Variants in CTNNA3 observed in about 807,000 individuals in gnomAD.
CTNNA3 encodes catenin alpha-3.
CTNNA3 carries 76 observed loss-of-function variants against 95.7 expected under a neutral mutation model. That is an observed-to-expected ratio of 0.79 (90% CI 0.66 to 0.96). The LOEUF (loss-of-function observed/expected upper bound fraction) is 0.96, where lower values mean the gene tolerates loss of function less well. Among genes scored for constraint, CTNNA3 ranks in the 40% least tolerant of loss-of-function variants. The pLI is 0.00. For missense variants in CTNNA3, 1,191 were observed against 1,089.8 expected (o/e 1.09, Z -1.31); for synonymous variants, 431 against 374.4 (o/e 1.15, Z -1.74).
chr10:66,659,157 A>T (rs993415321), intron 9 of CTNNA3, among the ~76,000 whole-genome samples: 1 of 150,754 alleles, frequency 6.6e-6, no homozygotes. Flanking sequence ...CGTTTTAGTT[A>T]GGGAGACAAA....
At chr10:66,148,655 T>C (rs1200934900) in intron 13 of CTNNA3, among the ~76,000 whole-genome samples, 2 of 152,052 alleles carry the variant, frequency 1.3e-5, no homozygotes, top group Non-Finnish European at 2.9e-5. Context: ...AGAGCCCTCA[T>C]TTGACACCAG....
intron 17 of CTNNA3, among the ~76,000 whole-genome samples, chr10:65,928,209 T>C (rs1010230123): frequency 2.6e-5 from 4 of 152,190 alleles, no homozygotes; most frequent in African/African-American, 9.6e-5. Flanking sequence ...ATTTTTTTCA[T>C]ATACAGATAT....
At chr10:66,937,598 C>T (rs898242797) in intron 7 of CTNNA3, among the ~76,000 whole-genome samples, 13 of 152,082 alleles carry the variant, frequency 8.5e-5, no homozygotes, top group Admixed American at 6.6e-4. Context: ...CATCTGGGCA[C>T]GTAGTTAATA....
At chr10:65,991,060 C>A (rs1365529210) in intron 15 of CTNNA3, among the ~76,000 whole-genome samples, 1 of 151,964 alleles carries the variant, frequency 6.6e-6, no homozygotes, top group Non-Finnish European at 1.5e-5. Flanking sequence ...TGTCGAAAAC[C>A]AGTTGGTTAT....
intron 11 of CTNNA3, among the ~76,000 whole-genome samples, chr10:66,441,436 G>A (rs1473944760): frequency 6.6e-6 from 1 of 152,102 alleles, no homozygotes; most frequent in Non-Finnish European, 1.5e-5. Flanking sequence ...ATTTAGCAAG[G>A]TAAAATTAAT....
At chr10:67,355,416 T>C (rs906240986) in intron 5 of CTNNA3, among the ~76,000 whole-genome samples, 2 of 151,988 alleles carry the variant, frequency 1.3e-5, no homozygotes, top group South Asian at 4.1e-4. Context: ...CCTAGTTTTA[T>C]TTAAACTAAC....
intron 17 of CTNNA3, among the ~76,000 whole-genome samples, chr10:65,921,322 T>G (rs1564516585): frequency 6.6e-6 from 1 of 152,236 alleles, no homozygotes; most frequent in Non-Finnish European, 1.5e-5. Context: ...TCAAAAACAC[T>G]AAATACCTAT....
At chr10:66,815,983 A>AT (rs761821454) in intron 7 of CTNNA3, among the ~76,000 whole-genome samples, 6 of 152,274 alleles carry the variant, frequency 3.9e-5, no homozygotes, top group Non-Finnish European at 8.8e-5. Flanking sequence ...TTTGTAACTA[A>AT]TTTTCTTTGT....
intron 17 of CTNNA3, among the ~76,000 whole-genome samples, chr10:65,945,158 G>GTATA (rs772460697): frequency 3.5e-4 from 52 of 149,030 alleles, no homozygotes; most frequent in African/African-American, 1.2e-3. Flanking sequence ...GTGTGTGTGT[G>GTATA]TGTATATATA....
At chr10:67,418,213 A>G (rs1845613151) in intron 5 of CTNNA3, among the ~76,000 whole-genome samples, 1 of 152,202 alleles carries the variant, frequency 6.6e-6, no homozygotes, top group African/African-American at 2.4e-5. Context: ...TAAATATCAT[A>G]TGGAAAAGTT....
At chr10:67,562,923 A>C (rs1374316049) in intron 3 of CTNNA3, among the ~76,000 whole-genome samples, 1 of 152,162 alleles carries the variant, frequency 6.6e-6, no homozygotes, top group Non-Finnish European at 1.5e-5. Flanking sequence ...CTAGGAATCC[A>C]ACTTACAAGG....
chr10:66,747,842 C>T (rs187679113), intron 9 of CTNNA3, among the ~76,000 whole-genome samples: 121 of 152,234 alleles, frequency 7.9e-4, no homozygotes, highest in African/African-American at 2.8e-3. Flanking sequence ...TGCTTTTCCT[C>T]ATTTATCTTC....
intron 17 of CTNNA3, among the ~76,000 whole-genome samples, chr10:65,923,147 A>G (rs1183428661): frequency 2.0e-5 from 3 of 152,226 alleles, no homozygotes; most frequent in African/African-American, 7.2e-5. Context: ...TATCAAAAGT[A>G]ATCAGTTAAA....
intron 1 of CTNNA3, among the ~76,000 whole-genome samples, chr10:67,733,357 C>T (rs758877350): frequency 8.5e-5 from 13 of 152,102 alleles, no homozygotes; most frequent in South Asian, 6.2e-4. Context: ...TATTTGAATG[C>T]GTTAAAGGTA....
chr10:67,456,801 C>T (rs1847189769), intron 5 of CTNNA3, among the ~76,000 whole-genome samples: 2 of 152,108 alleles, frequency 1.3e-5, no homozygotes, highest in East Asian at 3.9e-4. Context: ...TGGCTAAATG[C>T]AGTCTAGTTC....
intron 7 of CTNNA3, among the ~76,000 whole-genome samples, chr10:67,124,390 T>C (rs964690304): frequency 6.6e-6 from 1 of 150,822 alleles, no homozygotes; most frequent in African/African-American, 2.4e-5. Flanking sequence ...TAAATGACTG[T>C]GGAAGGTTCT....
chr10:67,109,313 GT>G (rs1425058451), intron 7 of CTNNA3, among the ~76,000 whole-genome samples: 1 of 152,176 alleles, frequency 6.6e-6, no homozygotes, highest in Non-Finnish European at 1.5e-5. Context: ...AAGCACAGTT[GT>G]TTTGGAAGTT....
At chr10:66,377,161 C>T (rs1308231680) in intron 12 of CTNNA3, among the ~76,000 whole-genome samples, 1 of 151,904 alleles carries the variant, frequency 6.6e-6, no homozygotes, top group Non-Finnish European at 1.5e-5. Flanking sequence ...AAAGATACAC[C>T]AAAATTTTTC....
chr10:66,010,507 G>C (rs984013655), intron 15 of CTNNA3, among the ~76,000 whole-genome samples: 1 of 152,080 alleles, frequency 6.6e-6, no homozygotes, highest in African/African-American at 2.4e-5. Context: ...AAGAACAAAA[G>C]AGCAGCTTAT....
Sources: gnomAD v4.1 joint callset for allele counts (sites outside exome capture counted in the v4.1 genomes callset) on GRCh38, gnomAD v4.1.1 for gene constraint, MANE v1.5 for transcripts, NCBI Gene and HGNC (gene_info 2026-07-23, HGNC 2026-07-21) for gene names.